Variants in PRKCE observed in about 807,000 individuals in gnomAD.
PRKCE encodes the protein protein kinase C epsilon, also known as protein kinase C epsilon type.
PRKCE carries 16 observed loss-of-function variants against 85.4 expected under a neutral mutation model. The observed-to-expected ratio is 0.19, with a 90% CI of 0.13 to 0.28. PRKCE has a LOEUF of 0.28. PRKCE is among the 10% of genes least tolerant of loss of function. The pLI, the probability that PRKCE is intolerant of heterozygous loss-of-function variation, is 1.00. For synonymous variants in PRKCE, 388 were observed against 371.5 expected (o/e 1.04, Z -0.51); for missense variants, 573 against 975.2 (o/e 0.59, Z 5.49).
At chr2:46,021,333 G>C (rs533750300) in intron 10 of PRKCE, among the ~76,000 whole-genome samples, 2 of 152,296 alleles carry the variant, frequency 1.3e-5, no homozygotes, top group East Asian at 1.9e-4. Flanking sequence ...TGTGGGAAAT[G>C]ATGACTTAAA....
chr2:45,887,147 C>T (rs1308283113), intron 2 of PRKCE, among the ~76,000 whole-genome samples: 1 of 152,168 alleles, frequency 6.6e-6, no homozygotes, highest in Non-Finnish European at 1.5e-5. Context: ...CTCGTTCCTG[C>T]TTGATAGGCA....
chr2:45,848,485 A>G (rs1251489544), intron 2 of PRKCE, among the ~76,000 whole-genome samples: 1 of 151,942 alleles, frequency 6.6e-6, no homozygotes, highest in African/African-American at 2.4e-5. Context: ...TAATTTTTGT[A>G]TTTTTAGTAG....
At chr2:45,787,800 G>T (rs1314769248) in intron 1 of PRKCE, among the ~76,000 whole-genome samples, 1 of 152,210 alleles carries the variant, frequency 6.6e-6, no homozygotes, top group Non-Finnish European at 1.5e-5. Context: ...TGTCTGGGTA[G>T]TGGGATGTAT....
intron 11 of PRKCE, among the ~76,000 whole-genome samples, chr2:46,132,659 C>T (rs1489442980): frequency 6.6e-6 from 1 of 152,202 alleles, no homozygotes; most frequent in African/African-American, 2.4e-5. Context: ...AGGGCATAAG[C>T]ACAGCCCTGT....
chr2:45,686,573 G>A (rs1040409486), intron 1 of PRKCE, among the ~76,000 whole-genome samples: 16 of 151,968 alleles, frequency 1.1e-4, no homozygotes, highest in South Asian at 6.2e-4. Flanking sequence ...AAAAATAACC[G>A]TAGAGAAAAA....
At chr2:46,009,251 T>C (rs935394203) in intron 9 of PRKCE, among the ~76,000 whole-genome samples, 1 of 152,120 alleles carries the variant, frequency 6.6e-6, no homozygotes, top group Non-Finnish European at 1.5e-5. Flanking sequence ...TTCTTTTCAA[T>C]AGAATAAAAT....
At chr2:45,710,348 T>C (rs1407181569) in intron 1 of PRKCE, among the ~76,000 whole-genome samples, 1 of 152,218 alleles carries the variant, frequency 6.6e-6, no homozygotes, top group Non-Finnish European at 1.5e-5. Context: ...TCAAAGTCCA[T>C]ACCCTTGCCC....
At chr2:46,035,978 G>A (rs994737543) in intron 10 of PRKCE, among the ~76,000 whole-genome samples, 1 of 152,216 alleles carries the variant, frequency 6.6e-6, no homozygotes, top group African/African-American at 2.4e-5. Context: ...CAAAGCAGGG[G>A]AAGGTGGAAG....
chr2:45,909,189 C>A (rs1264008818), intron 2 of PRKCE, among the ~76,000 whole-genome samples: 1 of 152,164 alleles, frequency 6.6e-6, no homozygotes, highest in East Asian at 1.9e-4. Flanking sequence ...ATTATATTGT[C>A]TCACAAAGCA....
chr2:46,018,835 C>A (rs897480823), intron 10 of PRKCE, among the ~76,000 whole-genome samples: 3 of 152,192 alleles, frequency 2.0e-5, no homozygotes, highest in Admixed American at 6.5e-5. Flanking sequence ...CAAATGATTT[C>A]TAGGGTTCTA....
chr2:45,818,949 A>G (rs1689302112), intron 1 of PRKCE, among the ~76,000 whole-genome samples: 1 of 152,106 alleles, frequency 6.6e-6, no homozygotes, highest in Non-Finnish European at 1.5e-5. Context: ...TCAGATGGAG[A>G]TGTGATGTTT....
intron 5 of PRKCE, among the ~76,000 whole-genome samples, chr2:45,982,426 C>T (rs1429381964): frequency 2.0e-5 from 3 of 152,302 alleles, no homozygotes; most frequent in East Asian, 3.9e-4. Flanking sequence ...TGTCCTGCAC[C>T]GTGAACACTC....
chr2:45,677,725 A>G (rs1417834114), intron 1 of PRKCE: 1 of 282,496 alleles, frequency 3.5e-6, no homozygotes, highest in Non-Finnish European at 5.3e-6. Flanking sequence ...TGCTTTAGGT[A>G]TTTAGCCTGG....
intron 10 of PRKCE, among the ~76,000 whole-genome samples, chr2:46,028,234 G>A (rs993463299): frequency 2.4e-4 from 36 of 152,248 alleles, no homozygotes; most frequent in East Asian, 7.7e-4. Context: ...GAGCCACCGC[G>A]TCCGGCCGAA....
intron 11 of PRKCE, among the ~76,000 whole-genome samples, chr2:46,116,380 T>A (rs1672768218): frequency 6.6e-6 from 1 of 152,270 alleles, no homozygotes; most frequent in African/African-American, 2.4e-5. Flanking sequence ...AACATCCCTG[T>A]GACCAGTAAT....
At chr2:46,180,968 C>G (rs144673590) in intron 14 of PRKCE, among the ~76,000 whole-genome samples, 1 of 152,168 alleles carries the variant, frequency 6.6e-6, no homozygotes. Context: ...GAATGTTGTT[C>G]CCTGTGTCCC....
chr2:45,895,392 C>T lies in PRKCE; in HGVS notation c.412+52329C>T, dbSNP rs945789888. ...TTCATTAAAACAAGACTCTGCTATACAATGAGGGGAGGCCTAACTGCCTCT... is the reference window on the plus strand; with the variant it reads ...TTCATTAAAACAAGACTCTGCTATATAATGAGGGGAGGCCTAACTGCCTCT... On this transcript the variant is annotated intron_variant, in intron 2 of 14. Coordinates refer to ENST00000306156, the MANE Select transcript of PRKCE (RefSeq NM_005400.3). This position sits in a 1 kb window ranked among gnomAD's most constrained non-coding sequence, Gnocchi z 4.8. Among the ~76,000 whole-genome samples, 3 of 152,126 alleles carry T rather than the reference C, an allele frequency of 2.0e-5. No individual in the cohort carries two copies. Among genetic ancestry groups the T allele is most frequent in the African/African-American group, 7.2e-5 (3 of 41,434 alleles).
chr2:46,073,138 G>A (rs1668221793), intron 10 of PRKCE, among the ~76,000 whole-genome samples: 1 of 152,324 alleles, frequency 6.6e-6, no homozygotes, highest in African/African-American at 2.4e-5. Flanking sequence ...TGAACAAAGA[G>A]TATTTCTGTT....
Position 46,145,319 on chromosome 2 carries a change from G to T in PRKCE, c.1731+88G>T, listed in dbSNP as rs1675961819. 2 of 1,509,844 alleles carry T rather than the reference G, an allele frequency of 1.3e-6. No homozygotes were observed. The highest frequency in any genetic ancestry group is 4.5e-5 in the East Asian group (2 of 43,980). 93.5% of individuals were successfully genotyped at this position (1,509,844 alleles called of 1,614,324 possible). On this transcript the variant is annotated intron_variant, in intron 12 of 14. Coordinates refer to ENST00000306156, the MANE Select transcript of PRKCE (RefSeq NM_005400.3). This position sits in a 1 kb window ranked among gnomAD's most constrained non-coding sequence, Gnocchi z 4.6. ...CCATGCACTGGGGTCATCTAGTGGT[G>T]CTGGGGGAAGGCTCTGGAAATCCAG...
Sources: gnomAD v4.1 joint callset for allele counts (sites outside exome capture counted in the v4.1 genomes callset) on GRCh38, gnomAD v4.1.1 for gene constraint, Gnocchi (gnomAD v3.1) non-coding constraint, MANE v1.5 for transcripts, NCBI Gene and HGNC (gene_info 2026-07-23, HGNC 2026-07-21) for gene names.